Variants in GOLGA6C observed in about 807,000 individuals in gnomAD.
GOLGA6C encodes golgin subfamily A member 6C.
Under a neutral mutation model 57.5 loss-of-function variants are expected in GOLGA6C, and 3 were observed. The ratio of observed to expected loss-of-function variants is 0.05; its 90% CI spans 0.02 to 0.13. The LOEUF (loss-of-function observed/expected upper bound fraction) is 0.13, where lower values mean the gene tolerates loss of function less well. Among genes scored for constraint, GOLGA6C ranks in the 10% least tolerant of loss-of-function variants. The pLI is 1.00. For synonymous variants in GOLGA6C, 32 were observed against 203.8 expected (o/e 0.16, Z 7.18); for missense variants, 88 against 525.6 (o/e 0.17, Z 8.14).
At chr15:75,259,230 T>C (rs1447857897) in intron 1 of GOLGA6C, among the ~76,000 whole-genome samples, 7 of 148,980 alleles carry the variant, frequency 4.7e-5, no homozygotes, top group East Asian at 2.0e-4. Flanking sequence ...TGATGAGGTT[T>C]CCCCCACCCC....
chr15:75,258,730 C>A lies in GOLGA6C; in HGVS notation c.84+48C>A, dbSNP rs2070718929. ...ATGGCCCCCCAACCTAGCCAGAGAT[C>A]CCCTCTGATGACAAGACCACTCCCA... On this transcript the variant is annotated intron_variant, in intron 1 of 17. Coordinates refer to ENST00000300576, the MANE Select transcript of GOLGA6C (RefSeq NM_001164404.2). The A allele has an allele frequency of 1.1e-5, 6 of 553,420 alleles. No individual in the cohort carries two copies. In the Admixed American group the frequency reaches 1.3e-4, roughly 12 times the overall value. 34.3% of individuals were successfully genotyped at this position (553,420 alleles called of 1,614,324 possible). A position where few individuals can be genotyped will look rare whatever the true frequency, so the allele number is the denominator to read the frequency against.
At chr15:75,265,035 G>C in intron 7 of GOLGA6C, 87 bp from the exon 8 acceptor site, 2 of 1,518,268 alleles carry the variant, frequency 1.3e-6, no homozygotes, top group South Asian at 1.2e-5. Flanking sequence ...TTTACTAACC[G>C]AGTTGTATAT....
rs2070717775 is a variant in GOLGA6C at position 75,258,571 on chromosome 15, C to G, written c.-28C>G. The G allele has an allele frequency of 2.2e-5, 11 of 511,458 alleles. No individual in the cohort carries two copies. The highest frequency in any genetic ancestry group is 3.4e-5 in the Admixed American group (1 of 29,606). 31.7% of individuals were successfully genotyped at this position (511,458 alleles called of 1,614,324 possible). A position where few individuals can be genotyped will look rare whatever the true frequency, so the allele number is the denominator to read the frequency against. ...CTCCTCTGGCTCAGTCACACAGCAG[C>G]CTTGTAGGTGACTGGAGGTGTTCGC... is the stretch of plus-strand genomic sequence containing the variant. On this transcript the variant is annotated 5_prime_UTR_variant, in exon 1 of 18. Coordinates refer to ENST00000300576, the MANE Select transcript of GOLGA6C (RefSeq NM_001164404.2).
rs202200704 is a variant in GOLGA6C at position 75,269,227 on chromosome 15, C to T, written c.1594-226C>T. 4.5e-4 allele frequency among the ~76,000 whole-genome samples: 66 copies of T among 145,766 alleles called. 2 individuals carry two copies. Among genetic ancestry groups the T allele is most frequent in the African/African-American group, 1.4e-3 (51 of 37,612 alleles). Reference sequence around the variant, plus strand: ...GCAGCGGAAGGTGCGAAGGCTGTGCCGCCTGCACCTGGCTCATCTGGTGGC... The same window carrying T: ...GCAGCGGAAGGTGCGAAGGCTGTGCTGCCTGCACCTGGCTCATCTGGTGGC... On this transcript the variant is annotated intron_variant, in intron 14 of 17. Transcript: ENST00000300576.
intron 1 of GOLGA6C, among the ~76,000 whole-genome samples, chr15:75,259,327 T>A: frequency 8.2e-6 from 1 of 122,150 alleles, no homozygotes; most frequent in African/African-American, 4.0e-5. Flanking sequence ...TATAACCCAG[T>A]CCCCTAAGCA....
Sources: gnomAD v4.1 joint callset for allele counts (sites outside exome capture counted in the v4.1 genomes callset) on GRCh38, gnomAD v4.1.1 for gene constraint, MANE v1.5 for transcripts, NCBI Gene and HGNC (gene_info 2026-07-23, HGNC 2026-07-21) for gene names.